The following ASCC3 variants were observed in gnomAD, a reference collection of about 807,000 sequenced individuals.
ASCC3 encodes the protein activating signal cointegrator 1 complex subunit 3, also known as ASC-1 complex subunit P200.
A neutral mutation model predicts 256.3 loss-of-function variants in ASCC3; 158 were observed. That is an observed-to-expected ratio of 0.62 (90% CI 0.54 to 0.70). ASCC3 has a LOEUF of 0.70. Among genes scored for constraint, ASCC3 ranks in the 30% least tolerant of loss-of-function variants. The probability of loss-of-function intolerance (pLI) is 0.00; values close to 1 mark genes in which losing one functional copy is unlikely to be tolerated. For synonymous variants in ASCC3, 948 were observed against 883.4 expected (o/e 1.07, Z -1.30); for missense variants, 2,259 against 2,626.0 (o/e 0.86, Z 3.05).
chr6:100,681,725 C>CAAAAAAA lies in ASCC3; in HGVS notation c.2152-1980_2152-1974dup, dbSNP rs10696130. Among the ~76,000 whole-genome samples, 24 of 58,642 alleles carry CAAAAAAA rather than the reference C, an allele frequency of 4.1e-4. 2 individuals carry two copies. The highest frequency in any genetic ancestry group is 1.0e-3 in the African/African-American group (14 of 13,606). The allele number at this position is 58,642 out of a possible 152,430, so 38.5% of individuals were successfully genotyped here. On this transcript the variant is annotated intron_variant, in intron 13 of 41. Coordinates refer to ENST00000369162, the MANE Select transcript of ASCC3 (RefSeq NM_006828.4). ...CTGGCAACAGAGCGAGACTCCGTCT[C>CAAAAAAA]AAAAAAAAAAAAAAAAAAAAAAGAA...
At chr6:100,830,077 T>A (rs1771548203) in intron 4 of ASCC3, among the ~76,000 whole-genome samples, 1 of 152,034 alleles carries the variant, frequency 6.6e-6, no homozygotes, top group African/African-American at 2.4e-5. Flanking sequence ...TTAAAAACCT[T>A]GTTGTTTATT....
chr6:100,632,083 T>TA (rs148000176), intron 25 of ASCC3, among the ~76,000 whole-genome samples: 1 of 140,140 alleles, frequency 7.1e-6, no homozygotes, highest in African/African-American at 2.7e-5. Context: ...AAATACTACA[T>TA]AAAAAAACTG....
chr6:100,664,752 T>C (rs1776386361), intron 14 of ASCC3, among the ~76,000 whole-genome samples: 1 of 152,162 alleles, frequency 6.6e-6, no homozygotes, highest in East Asian at 1.9e-4. Flanking sequence ...AGTCCAATTG[T>C]GGTGTATTTG....
At chr6:100,586,080 T>C (rs1252357581) in intron 36 of ASCC3, among the ~76,000 whole-genome samples, 2 of 152,184 alleles carry the variant, frequency 1.3e-5, no homozygotes, top group African/African-American at 4.8e-5. Context: ...GATCTCCAGC[T>C]GCGTGCTGGG....
intron 10 of ASCC3, among the ~76,000 whole-genome samples, chr6:100,762,234 A>AAAGGGGGAGGTAC (rs1200887219): frequency 6.6e-6 from 1 of 151,916 alleles, no homozygotes; most frequent in African/African-American, 2.4e-5. Context: ...TACACAGGTA[A>AAAGGGGGAGGTAC]ACGCCTCCCC....
chr6:100,754,230 T>C (rs1187921996), intron 10 of ASCC3, among the ~76,000 whole-genome samples: 1 of 152,170 alleles, frequency 6.6e-6, no homozygotes, highest in Admixed American at 6.6e-5. Flanking sequence ...ACAAAAAAGT[T>C]TGGTTTAAAA....
chr6:100,549,564 G>A (rs1769185411), intron 36 of ASCC3, among the ~76,000 whole-genome samples: 1 of 151,810 alleles, frequency 6.6e-6, no homozygotes, highest in African/African-American at 2.4e-5. Context: ...GATTTCAGGT[G>A]AATCAGGACT....
In ASCC3 at chr6:100,508,702, G is replaced by C. The variant is rs1562080059; in HGVS notation, c.*684C>G. 1.3e-5 allele frequency: 2 copies of C among 152,194 alleles called. No individual in the cohort carries two copies. The highest frequency in any genetic ancestry group is 4.1e-4 in the South Asian group (2 of 4,836). 9.4% of individuals were successfully genotyped at this position (152,194 alleles called of 1,614,324 possible). On this transcript the variant is annotated 3_prime_UTR_variant, in exon 42 of 42. Coordinates refer to ENST00000369162, the MANE Select transcript of ASCC3 (RefSeq NM_006828.4). ...GATGAGTAAGGGGATATTATTTAAA[G>C]GAAGCAGAAGAAAACATTGAGTCAG...
At chr6:100,542,241 C>T (rs1775496556) in intron 36 of ASCC3, among the ~76,000 whole-genome samples, 1 of 152,072 alleles carries the variant, frequency 6.6e-6, no homozygotes, top group Non-Finnish European at 1.5e-5. Context: ...CTGAATTGCT[C>T]AAAATCACTA....
chr6:100,825,336 G>C (rs1189756071), intron 4 of ASCC3, among the ~76,000 whole-genome samples: 1 of 150,732 alleles, frequency 6.6e-6, no homozygotes, highest in Non-Finnish European at 1.5e-5. Context: ...TAATATTCTA[G>C]GGATGCTACT....
Position 100,872,132 on chromosome 6 carries a change from CA to C in ASCC3, c.-41-4095del, listed in dbSNP as rs532642917. ...CTTTTACCACACAAGTTAGTGCTTT[CA>C]AAATGTAGCATCAGAACAAGAAACA... is the stretch of plus-strand genomic sequence containing the variant. On this transcript the variant is annotated intron_variant, in intron 1 of 41. Transcript: ENST00000369162. 5.9e-5 allele frequency among the ~76,000 whole-genome samples: 9 copies of C among 152,294 alleles called. No homozygotes were observed. The South Asian group carries it at 1.9e-3, about 32-fold the overall frequency.
intron 8 of ASCC3, among the ~76,000 whole-genome samples, chr6:100,776,207 T>G (rs1168034080): frequency 6.6e-6 from 1 of 152,112 alleles, no homozygotes; most frequent in Non-Finnish European, 1.5e-5. Context: ...TATACATTAA[T>G]GAATACATAA....
chr6:100,664,976 CCTT>C (rs1192920636), intron 14 of ASCC3, among the ~76,000 whole-genome samples: 5 of 152,172 alleles, frequency 3.3e-5, no homozygotes, highest in Admixed American at 6.5e-5. Context: ...GTTCTGCTGT[CCTT>C]CTTACAAATA....
At chr6:100,878,524 A>C (rs1769100719) in intron 1 of ASCC3, among the ~76,000 whole-genome samples, 2 of 152,244 alleles carry the variant, frequency 1.3e-5, no homozygotes, top group African/African-American at 4.8e-5. Flanking sequence ...GTCAGAAAGA[A>C]AATTCCAGAA....
intron 10 of ASCC3, among the ~76,000 whole-genome samples, chr6:100,732,180 AAAG>A (rs1431773591): frequency 3.2e-4 from 48 of 151,478 alleles, no homozygotes; most frequent in African/African-American, 1.1e-3. Flanking sequence ...AAAAAAAAAA[AAAG>A]AAGAAGAAGA....
chr6:100,602,697 T>A (rs779360691), intron 33 of ASCC3, among the ~76,000 whole-genome samples: 8 of 152,158 alleles, frequency 5.3e-5, no homozygotes, highest in Admixed American at 1.3e-4. Flanking sequence ...AAGTCCCTAG[T>A]CATATAAGAC....
Position 100,716,123 on chromosome 6 carries a change from T to C in ASCC3, c.2080-590A>G, listed in dbSNP as rs562406933. 2.8e-4 allele frequency among the ~76,000 whole-genome samples: 42 copies of C among 151,990 alleles called. 1 individual carries two copies. Among genetic ancestry groups the C allele is most frequent in the African/African-American group, 9.9e-4 (41 of 41,560 alleles). On this transcript the variant is annotated intron_variant, in intron 12 of 41. Transcript: ENST00000369162. The stretch of plus-strand genomic sequence containing the variant: ...TATGAATTAAGAAAGGGTCTCTAAG[T>C]ATTTAAGGTTATGGATATCCCAATT...
At chr6:100,847,841 C>T (rs1772455778) in intron 4 of ASCC3, among the ~76,000 whole-genome samples, 1 of 152,162 alleles carries the variant, frequency 6.6e-6, no homozygotes. Context: ...AAATATATTA[C>T]TCATTCAATT....
intron 37 of ASCC3, among the ~76,000 whole-genome samples, chr6:100,532,363 TG>T (rs1774928272): frequency 1.5e-5 from 2 of 133,828 alleles, no homozygotes; most frequent in African/African-American, 3.0e-5. Flanking sequence ...TGTGTGTGTG[TG>T]TGTGTGTATG....
Sources: gnomAD v4.1 joint callset for allele counts (sites outside exome capture counted in the v4.1 genomes callset) on GRCh38, gnomAD v4.1.1 for gene constraint, MANE v1.5 for transcripts, NCBI Gene and HGNC (gene_info 2026-07-23, HGNC 2026-07-21) for gene names.